PPA2: variants seen among roughly 807,000 people sequenced by gnomAD.
The protein encoded by PPA2 is inorganic pyrophosphatase 2, mitochondrial.
Under a neutral mutation model 49.5 loss-of-function variants are expected in PPA2, and 48 were observed. That is an observed-to-expected ratio of 0.97 (90% CI 0.77 to 1.23). The LOEUF (loss-of-function observed/expected upper bound fraction) is 1.23, where lower values mean the gene tolerates loss of function less well. Among genes scored for constraint, PPA2 ranks in the 50% most tolerant of loss-of-function variants. PPA2 has a pLI of 0.00. For synonymous variants in PPA2, 131 were observed against 139.9 expected, an observed-to-expected ratio of 0.94 and a Z score of 0.45; for missense variants, 429 against 410.1, an observed-to-expected ratio of 1.05 and a Z score of -0.40.
chr4:105,446,220 T>G, intron 5 of PPA2, 163 bp downstream of exon 5: 1 of 646,984 alleles, frequency 1.5e-6, no homozygotes, highest in Non-Finnish European at 2.4e-6. Context: ...AAAACAAAAT[T>G]TATTGATATA....
intron 7 of PPA2, among the ~76,000 whole-genome samples, chr4:105,418,542 T>C (rs1030715343): frequency 6.6e-6 from 1 of 152,238 alleles, no homozygotes; most frequent in African/African-American, 2.4e-5. Flanking sequence ...GATGCCGGCC[T>C]ATGAAAATGT....
intron 9 of PPA2, among the ~76,000 whole-genome samples, chr4:105,391,313 T>A (rs1047846571): frequency 1.5e-5 from 2 of 137,512 alleles, no homozygotes; most frequent in Non-Finnish European, 1.5e-5. Flanking sequence ...AACCTGCATG[T>A]TCTGCACATG....
At chr4:105,472,770 AAAC>A (rs1723576907) in intron 1 of PPA2, among the ~76,000 whole-genome samples, 1 of 152,238 alleles carries the variant, frequency 6.6e-6, no homozygotes, top group Admixed American at 6.5e-5. Flanking sequence ...CCTCGACCCT[AAAC>A]TCATGTAGCA....
At position 105,443,591 on chromosome 4, in the gene PPA2, TCACACACACACACACACA is replaced by T. The variant is rs56765056; in HGVS notation, c.441+2774_441+2791del. On this transcript the variant is annotated intron_variant, in intron 5 of 11. Coordinates refer to ENST00000341695, the MANE Select transcript of PPA2 (RefSeq NM_176869.3). ...AACTTATATGCAATTTATGGTGTAT[TCACACACACACACACACA>T]CACACACACACACACACACACACAC... Among the ~76,000 whole-genome samples, 523 of 145,440 alleles carry T rather than the reference TCACACACACACACACACA, an allele frequency of 3.6e-3. 2 individuals carry two copies. The highest frequency in any genetic ancestry group is 0.01 in the African/African-American group (400 of 39,268).
At chr4:105,377,445 T>C (rs1219274151) in intron 10 of PPA2, among the ~76,000 whole-genome samples, 1 of 152,134 alleles carries the variant, frequency 6.6e-6, no homozygotes, top group Non-Finnish European at 1.5e-5. Context: ...GTCAAAGATG[T>C]AAATAAATTA....
At chr4:105,464,409 G>C (rs1364579508) in intron 1 of PPA2, among the ~76,000 whole-genome samples, 1 of 152,174 alleles carries the variant, frequency 6.6e-6, no homozygotes, top group African/African-American at 2.4e-5. Context: ...TAGGTAGAAG[G>C]GACTTGCCTT....
chr4:105,398,397 T>G (rs1379385879), intron 8 of PPA2: 1 of 152,186 alleles, frequency 6.6e-6, no homozygotes, highest in Non-Finnish European at 1.5e-5. Context: ...AAGTTTTCAT[T>G]AACATGCCTT....
chr4:105,449,349 C>T lies in PPA2; in HGVS notation c.321+1G>A, dbSNP rs1207770649. 6.4e-7 allele frequency: 1 copy of T among 1,550,438 alleles called. No homozygotes were observed. Among genetic ancestry groups the T allele is most frequent in the Admixed American group, 1.8e-5 (1 of 56,856 alleles). On this transcript the variant is annotated splice_donor_variant, in intron 4 of 11. Transcript: ENST00000341695. LOFTEE classifies it high-confidence loss of function. ...TTCATATTAATAAAGTATATCGGTA[C>T]CTCCATTTTAGCATTTGTCCACCGA...
chr4:105,437,919 C>A, intron 6 of PPA2, 31 bp downstream of exon 6: 1 of 1,521,716 alleles, frequency 6.6e-7, no homozygotes, highest in South Asian at 1.2e-5. Flanking sequence ...CCAAAACTCA[C>A]GTTAGAATTA....
intron 3 of PPA2, among the ~76,000 whole-genome samples, chr4:105,450,623 T>TTTC (rs1722633373): frequency 1.1e-5 from 1 of 92,244 alleles, no homozygotes; most frequent in African/African-American, 4.0e-5. Flanking sequence ...TTTTTTTTTT[T>TTTC]TTGAGACGGA....
chr4:105,425,493 G>A (rs1723455326), intron 6 of PPA2, among the ~76,000 whole-genome samples: 1 of 152,020 alleles, frequency 6.6e-6, no homozygotes, highest in African/African-American at 2.4e-5. Flanking sequence ...TGAACCTGAA[G>A]ACACTGTAAC....
intron 1 of PPA2, among the ~76,000 whole-genome samples, chr4:105,461,244 T>A (rs1175614889): frequency 1.3e-5 from 2 of 152,218 alleles, no homozygotes; most frequent in Admixed American, 1.3e-4. Flanking sequence ...GCATGCTCAG[T>A]TGAGCTTCAT....
At chr4:105,410,221 G>A (rs2110248851) in intron 7 of PPA2, among the ~76,000 whole-genome samples, 1 of 152,304 alleles carries the variant, frequency 6.6e-6, no homozygotes, top group East Asian at 1.9e-4. Flanking sequence ...CACCTTAAAT[G>A]ACCTGATGGA....
At position 105,424,089 on chromosome 4, in the gene PPA2, C is replaced by T. The variant is rs895850081; in HGVS notation, c.655+107G>A. ...TGTCTATCTACATCTTTTCCTCTCT[C>T]TTTTTTAAAAAGTACATTTAACTCC... On this transcript the variant is annotated intron_variant, in intron 7 of 11. Transcript: ENST00000341695. The T allele has an allele frequency of 2.5e-6, 3 of 1,193,016 alleles. No homozygotes were observed. In the African/African-American group the frequency reaches 4.8e-5, roughly 19 times the overall value. 73.9% of individuals were successfully genotyped at this position (1,193,016 alleles called of 1,614,324 possible). A position where few individuals can be genotyped will look rare whatever the true frequency, so the allele number is the denominator to read the frequency against.
chr4:105,454,192 C>T (rs961134028), intron 2 of PPA2, among the ~76,000 whole-genome samples: 1 of 152,166 alleles, frequency 6.6e-6, no homozygotes, highest in South Asian at 2.1e-4. Context: ...AAATGCTCAA[C>T]CAGCATATGT....
At chr4:105,424,670 A>G (rs924484121) in intron 6 of PPA2, among the ~76,000 whole-genome samples, 63 of 152,314 alleles carry the variant, frequency 4.1e-4, no homozygotes, top group Non-Finnish European at 8.7e-4. Context: ...ACAAATGAGA[A>G]GAGATGTGAT....
intron 10 of PPA2, among the ~76,000 whole-genome samples, chr4:105,383,515 C>T (rs1283766350): frequency 6.6e-6 from 1 of 152,154 alleles, no homozygotes; most frequent in Non-Finnish European, 1.5e-5. Flanking sequence ...ATACTTCCTC[C>T]AATAGTTCTA....
chr4:105,404,221 GA>G (rs1341171227), intron 7 of PPA2, among the ~76,000 whole-genome samples: 1 of 151,470 alleles, frequency 6.6e-6, no homozygotes. Flanking sequence ...TAAACACATG[GA>G]AATTAAGACA....
chr4:105,377,237 A>G (rs2726503), intron 10 of PPA2, among the ~76,000 whole-genome samples: 60,008 of 152,058 alleles, frequency 0.39, 13,209 homozygotes, highest in East Asian at 0.68. Context: ...AGTATTGGAA[A>G]GAAGAGGCTG....
Sources: gnomAD v4.1 joint callset for allele counts (sites outside exome capture counted in the v4.1 genomes callset) on GRCh38, gnomAD v4.1.1 for gene constraint, MANE v1.5 for transcripts, NCBI Gene and HGNC (gene_info 2026-07-23, HGNC 2026-07-21) for gene names.